The following RNF157 variants were observed in gnomAD, a reference collection of about 807,000 sequenced individuals.
RNF157 encodes the protein E3 ubiquitin ligase RNF157.
RNF157 carries 55 observed loss-of-function variants against 88.3 expected under a neutral mutation model. The ratio of observed to expected loss-of-function variants is 0.62; its 90% CI spans 0.50 to 0.78. RNF157 has a LOEUF of 0.78. Among genes scored for constraint, RNF157 ranks in the 30% least tolerant of loss-of-function variants. RNF157 has a pLI of 0.00. For synonymous variants in RNF157, 334 were observed against 341.2 expected (o/e 0.98, Z 0.23); for missense variants, 788 against 860.8 (o/e 0.92, Z 1.06).
chr17:76,185,483 T>G (rs2069267489), intron 2 of RNF157, among the ~76,000 whole-genome samples: 1 of 149,192 alleles, frequency 6.7e-6, no homozygotes, highest in African/African-American at 2.6e-5. Context: ...TTCTTTTTTT[T>G]TTTTGAGACG....
At chr17:76,148,261 C>CTTTTTTT (rs56231427) in intron 18 of RNF157, among the ~76,000 whole-genome samples, 2 of 121,178 alleles carry the variant, frequency 1.7e-5, no homozygotes, top group African/African-American at 3.2e-5. Context: ...TTATCTTTGC[C>CTTTTTTT]TTTTTTTTTT....
intron 3 of RNF157, among the ~76,000 whole-genome samples, chr17:76,172,051 G>A (rs1365299334): frequency 6.6e-6 from 1 of 152,212 alleles, no homozygotes; most frequent in African/African-American, 2.4e-5. Context: ...GGGTCAGGTC[G>A]GGGGACTGTT....
At chr17:76,211,486 A>G (rs773906899) in intron 2 of RNF157, among the ~76,000 whole-genome samples, 3 of 152,236 alleles carry the variant, frequency 2.0e-5, no homozygotes, top group African/African-American at 7.2e-5. Flanking sequence ...AACTTGCAGA[A>G]TATTTCAAGG....
chr17:76,240,327 C>CG lies in RNF157; in HGVS notation c.-88dup, dbSNP rs1227432438. On this transcript the variant is annotated 5_prime_UTR_variant, in exon 1 of 19. An upstream open reading frame in the 5' UTR loses its in-frame stop. Coordinates refer to ENST00000269391, the MANE Select transcript of RNF157 (RefSeq NM_052916.3). This position sits in a 1 kb window ranked among gnomAD's most constrained non-coding sequence, Gnocchi z 4.4. ...GCGGCCGCCCGCCCCGCGCCCGGTG[C>CG]GGGGGCCGACTGCCCGCCGCGGCCG... 1 of 549,202 alleles carries CG rather than the reference C, an allele frequency of 1.8e-6. No individual in the cohort carries two copies. Among genetic ancestry groups the CG allele is most frequent in the Non-Finnish European group, 2.3e-6 (1 of 434,420 alleles). The allele number at this position is 549,202 out of a possible 1,614,324, so 34.0% of individuals were successfully genotyped here.
intron 1 of RNF157, among the ~76,000 whole-genome samples, chr17:76,239,277 G>C (rs1483841676): frequency 6.6e-6 from 1 of 152,144 alleles, no homozygotes; most frequent in Non-Finnish European, 1.5e-5. Flanking sequence ...TCACATAACT[G>C]AACTACCTTG....
chr17:76,151,742 C>A (rs1223414663), intron 18 of RNF157, among the ~76,000 whole-genome samples: 1 of 152,330 alleles, frequency 6.6e-6, no homozygotes, highest in Middle Eastern at 3.4e-3. Flanking sequence ...GGCACTCTGA[C>A]AACCTGATCA....
chr17:76,204,527 T>A (rs1372550130), intron 2 of RNF157, among the ~76,000 whole-genome samples: 1 of 152,210 alleles, frequency 6.6e-6, no homozygotes. Flanking sequence ...CATAAATACT[T>A]GTTGAATGAA....
intron 13 of RNF157, 21 bp downstream of exon 13, chr17:76,158,372 G>C (rs368722076): frequency 6.6e-7 from 1 of 1,524,210 alleles, no homozygotes; most frequent in South Asian, 1.1e-5. Flanking sequence ...CACCCAAGAA[G>C]AGGAGAGGAA....
chr17:76,213,112 T>C (rs2069829878), intron 1 of RNF157, among the ~76,000 whole-genome samples: 1 of 152,232 alleles, frequency 6.6e-6, no homozygotes, highest in African/African-American at 2.4e-5. Flanking sequence ...ACATTAATGA[T>C]CATATATATT....
At chr17:76,235,324 A>C (rs550220655) in intron 1 of RNF157, among the ~76,000 whole-genome samples, 5 of 151,974 alleles carry the variant, frequency 3.3e-5, no homozygotes, top group Non-Finnish European at 7.4e-5. Flanking sequence ...CAGCCTCCCG[A>C]GTAGTTGGGA....
At chr17:76,210,569 G>A (rs1362161379) in intron 2 of RNF157, among the ~76,000 whole-genome samples, 16 of 102,946 alleles carry the variant, frequency 1.6e-4, no homozygotes, top group African/African-American at 5.0e-4. Context: ...CAGCCTGGGC[G>A]ACAGAGCCAG....
At chr17:76,238,797 C>T (rs1598455840) in intron 1 of RNF157, among the ~76,000 whole-genome samples, 1 of 152,286 alleles carries the variant, frequency 6.6e-6, no homozygotes, top group African/African-American at 2.4e-5. Context: ...CCTTGGTTAG[C>T]GTTGATTTTA....
In RNF157 at chr17:76,202,124, T is replaced by TCA. The variant is rs1416865466; in HGVS notation, c.207+10239_207+10240insTG. 5.6e-3 allele frequency among the ~76,000 whole-genome samples: 787 copies of TCA among 139,582 alleles called. 6 individuals are homozygous for TCA. The highest frequency in any genetic ancestry group is 0.019 in the African/African-American group (661 of 34,040). 91.6% of individuals were successfully genotyped at this position (139,582 alleles called of 152,430 possible). ...CCCAATCTCAGTTTCTCTCTCTCTC[T>TCA]CTCTCACACACACACACACACACAC... On this transcript the variant is annotated intron_variant, in intron 2 of 18. Transcript: ENST00000269391.
At chr17:76,191,844 A>T (rs927675971) in intron 2 of RNF157, among the ~76,000 whole-genome samples, 2 of 152,196 alleles carry the variant, frequency 1.3e-5, no homozygotes, top group South Asian at 4.1e-4. Flanking sequence ...CTACTATTTT[A>T]TTTGATTGGC....
At chr17:76,227,040 C>T (rs1294923574) in intron 1 of RNF157, among the ~76,000 whole-genome samples, 10 of 152,002 alleles carry the variant, frequency 6.6e-5, no homozygotes, top group Non-Finnish European at 1.5e-4. Context: ...GGAGGGAAGG[C>T]GTGCACGTGC....
chr17:76,188,864 C>A (rs1273841858), intron 2 of RNF157, among the ~76,000 whole-genome samples: 1 of 152,168 alleles, frequency 6.6e-6, no homozygotes, highest in African/African-American at 2.4e-5. Flanking sequence ...CTGATATCAA[C>A]AGCAATAAGT....
rs2069110274 is a variant in RNF157, at chr17:76,176,783, T to C, written c.208-2993A>G. Among the ~76,000 whole-genome samples, 1 of 152,140 alleles carries C rather than the reference T, an allele frequency of 6.6e-6. No individual in the cohort carries two copies. Among genetic ancestry groups the C allele is most frequent in the East Asian group, 1.9e-4 (1 of 5,172 alleles). On this transcript the variant is annotated intron_variant, in intron 2 of 18. Coordinates refer to ENST00000269391, the MANE Select transcript of RNF157 (RefSeq NM_052916.3). The surrounding 1 kb of genome is among the most constrained non-coding windows in gnomAD (Gnocchi z 4.2). The stretch of plus-strand genomic sequence containing the variant: ...CCTTGGCCAGTGTCCCGCTTGCTCA[T>C]GGAGCGCCAGGGCCAGGCCTGGGCG...
intron 1 of RNF157, among the ~76,000 whole-genome samples, chr17:76,220,853 G>A (rs1237874542): frequency 6.6e-6 from 1 of 151,918 alleles, no homozygotes; most frequent in Non-Finnish European, 1.5e-5. Context: ...AGCTACTCAG[G>A]AGGCTGAAAC....
At chr17:76,163,321 T>C in intron 8 of RNF157, 1 of 152,062 alleles carries the variant, frequency 6.6e-6, no homozygotes. Flanking sequence ...GCCTCCTGAG[T>C]AGCTGCGATT....
Sources: gnomAD v4.1 joint callset for allele counts (sites outside exome capture counted in the v4.1 genomes callset) on GRCh38, gnomAD v4.1.1 for gene constraint, Gnocchi (gnomAD v3.1) non-coding constraint, MANE v1.5 for transcripts, NCBI Gene and HGNC (gene_info 2026-07-23, HGNC 2026-07-21) for gene names.